Variants in TOP1MT observed in about 807,000 individuals in gnomAD.
TOP1MT encodes the protein DNA topoisomerase I mitochondrial.
TOP1MT carries 80 observed loss-of-function variants against 73.9 expected under a neutral mutation model. That is an observed-to-expected ratio of 1.08 (90% confidence interval 0.90 to 1.30). TOP1MT has a LOEUF of 1.30. TOP1MT is among the 50% of genes most tolerant of loss of function. The pLI is 0.00. For synonymous variants in TOP1MT, 338 were observed against 326.4 expected, an observed-to-expected ratio of 1.04 and a Z score of -0.38; for missense variants, 815 against 808.0, an observed-to-expected ratio of 1.01 and a Z score of -0.10.
At chr8:143,323,208 ACGC>A (rs1563760969) in intron 7 of TOP1MT, among the ~76,000 whole-genome samples, 7 of 102,168 alleles carry the variant, frequency 6.9e-5, no homozygotes, top group South Asian at 3.7e-4. Flanking sequence ...ACACACAGGC[ACGC>A]CACACAGGCA....
chr8:143,321,978 CGCACGCCACACACAT>C (rs201895189), intron 7 of TOP1MT, among the ~76,000 whole-genome samples: 2,779 of 73,380 alleles, frequency 0.038, 11 homozygotes, highest in Non-Finnish European at 0.048. Context: ...GCTCACCACA[CGCACGCCACACACAT>C]GCACGCCACA....
intron 3 of TOP1MT, among the ~76,000 whole-genome samples, chr8:143,326,642 C>T (rs1026339193): frequency 1.3e-5 from 2 of 152,160 alleles, no homozygotes; most frequent in Non-Finnish European, 2.9e-5. Flanking sequence ...AACCTTTGCA[C>T]CCAATAATTC....
chr8:143,324,478 C>A lies in TOP1MT; in HGVS notation c.816+7G>T, dbSNP rs550062105. On this transcript the variant is annotated splice_region_variant and intron_variant, in intron 6 of 13. Transcript: ENST00000329245. The stretch of plus-strand genomic sequence containing the variant: ...GGAGGAAACACCCTGCCAAGCCCTG[C>A]GCTCACCTTCAGCTTCGAGCAAGGG... The A allele has an allele frequency of 6.2e-7, 1 of 1,613,740 alleles. No homozygotes were observed. Among genetic ancestry groups the A allele is most frequent in the African/African-American group, 1.3e-5 (1 of 74,918 alleles).
intron 4 of TOP1MT, 26 bp downstream of exon 4, chr8:143,326,186 CCACTTCAGGT>C: frequency 1.2e-6 from 2 of 1,610,368 alleles, no homozygotes; most frequent in Non-Finnish European, 1.7e-6. Flanking sequence ...TTCCCAGGGG[CCACTTCAGGT>C]CACACAACGC....
rs1817077755 is a variant in TOP1MT, at chr8:143,341,388, C to A, written c.29+1832G>T. Among the ~76,000 whole-genome samples the A allele has an allele frequency of 6.6e-6, 1 of 152,190 alleles. No individual in the cohort carries two copies. The highest frequency in any genetic ancestry group is 1.5e-5 in the Non-Finnish European group (1 of 68,024). ...GGTGTCAGGACCCCGGGCACATCCA[C>A]CAAGGGCCATCTTCATCTTGTCTGC... On this transcript the variant is annotated intron_variant, in intron 2 of 5. Transcript: ENST00000518007. The surrounding 1 kb of genome is among the most constrained non-coding windows in gnomAD (Gnocchi z 4.1).
At position 143,318,057 on chromosome 8, in the gene TOP1MT, C is replaced by T; in HGVS notation, c.1176G>A (p.Glu392=). The change falls in exon 9 of 14, where the codon GAG becomes GAA. Residue 392 remains glutamate (E), a synonymous_variant. Transcript: ENST00000329245. ...AGAGGTCGTCCCGGGGGTCCTTGTT[C>T]TCCATAAAGAGCTGTAAGTTCTTGT... ...PVYKNLQLFM[E]NKDPRDDLFD... is the part of the protein sequence containing the mutation. 6.2e-7 allele frequency: 1 copy of T among 1,614,122 alleles called. No homozygotes were observed. The highest frequency in any genetic ancestry group is 1.3e-5 in the African/African-American group (1 of 75,036).
At chr8:143,320,290 G>A (rs577572912) in intron 8 of TOP1MT, among the ~76,000 whole-genome samples, 6 of 151,900 alleles carry the variant, frequency 3.9e-5, no homozygotes, top group Admixed American at 1.3e-4. Context: ...CACGATGCCC[G>A]GCTAATTTTT....
chr8:143,356,575 C>T (rs543290208), upstream of TOP1MT, among the ~76,000 whole-genome samples: 9 of 151,372 alleles, frequency 5.9e-5, no homozygotes, highest in Non-Finnish European at 8.8e-5. Flanking sequence ...ATCACAAGGT[C>T]AGGAGTTTGA....
intron 7 of TOP1MT, among the ~76,000 whole-genome samples, 189 bp from the exon 8 acceptor site, chr8:143,321,575 CACA>C: frequency 1.5e-5 from 2 of 133,934 alleles, no homozygotes; most frequent in African/African-American, 2.8e-5. Context: ...ACGCACGCCA[CACA>C]GGCACGCCAC....
At chr8:143,353,949 G>C (rs568282367) in intron 1 of TOP1MT, among the ~76,000 whole-genome samples, 1 of 100,342 alleles carries the variant, frequency 1.0e-5, no homozygotes, top group Admixed American at 1.7e-4. Flanking sequence ...GGGCGACAAA[G>C]AGAGACTCCA....
At position 143,322,922 on chromosome 8, in the gene TOP1MT, C is replaced by CAG. The variant is rs1491140241; in HGVS notation, c.960+1076_960+1077insCT. Among the ~76,000 whole-genome samples, 5 of 97,184 alleles carry CAG rather than the reference C, an allele frequency of 5.1e-5. 1 individual carries two copies. Among genetic ancestry groups the CAG allele is most frequent in the South Asian group, 7.0e-4 (2 of 2,876 alleles). 63.8% of individuals were successfully genotyped at this position (97,184 alleles called of 152,430 possible). A position where few individuals can be genotyped will look rare whatever the true frequency, so the allele number is the denominator to read the frequency against. On this transcript the variant is annotated intron_variant, in intron 7 of 13. Coordinates refer to ENST00000329245, the MANE Select transcript of TOP1MT (RefSeq NM_052963.3). ...GCACGCCACACACGCACGCCACACACGCACGCCACACACAGGCACGCCACA... is the reference window on the plus strand; with the variant it reads ...GCACGCCACACACGCACGCCACACACAGGCACGCCACACACAGGCACGCCACA...
chr8:143,329,556 G>A (rs147446182), intron 2 of TOP1MT, 85 bp from the exon 3 acceptor site: 10 of 1,492,224 alleles, frequency 6.7e-6, no homozygotes, highest in African/African-American at 2.8e-5. Context: ...TTTAAACTAC[G>A]CTTTCGTGCG....
rs1400168175 is a variant in TOP1MT at position 143,317,742 on chromosome 8, C to T, written c.1311G>A (p.Gln437=). The change falls in exon 10 of 14, where the codon CAG becomes CAA. Residue 437 remains glutamine (Q), a synonymous_variant. Coordinates refer to ENST00000329245, the MANE Select transcript of TOP1MT (RefSeq NM_052963.3). ...GCTCACCGCGCGTCAGGGCCCGCAG[C>T]TGCTCCTGCAGAGTGATGGAGGCGT... is the stretch of plus-strand genomic sequence containing the variant. The part of the protein sequence containing the change: ...TYNASITLQE[Q]LRALTRAEDS... 1 of 1,613,808 alleles carries T rather than the reference C, an allele frequency of 6.2e-7. No homozygotes were observed.
chr8:143,334,561 T>A (rs543450079), intron 1 of TOP1MT, among the ~76,000 whole-genome samples, 179 bp downstream of exon 1: 13 of 152,316 alleles, frequency 8.5e-5, no homozygotes, highest in Non-Finnish European at 1.8e-4. Flanking sequence ...TGGGGGGGCC[T>A]GTACACCCCG....
rs1334445919 is a variant in TOP1MT, at chr8:143,322,730, C to A, written c.960+1269G>T. ...CACACGCACGCCACACACAGGCACG[C>A]CACACACGCCACACACGCACGCACG... On this transcript the variant is annotated intron_variant, in intron 7 of 13. Transcript: ENST00000329245. Among the ~76,000 whole-genome samples the A allele has an allele frequency of 1.2e-4, 2 of 16,468 alleles. 1 individual carries two copies. The highest frequency in any genetic ancestry group is 1.0e-3 in the African/African-American group (2 of 1,970). The allele number at this position is 16,468 out of a possible 152,430, so 10.8% of individuals were successfully genotyped here.
intron 13 of TOP1MT, 163 bp downstream of exon 13, chr8:143,309,905 G>A (rs1815958681): frequency 6.3e-7 from 1 of 1,579,818 alleles, no homozygotes; most frequent in Non-Finnish European, 8.5e-7. Context: ...AGGGAGAGCT[G>A]ATGACACAGG....
chr8:143,334,884 G>T (rs751492614), upstream of TOP1MT: 1 of 1,445,058 alleles, frequency 6.9e-7, no homozygotes, highest in Non-Finnish European at 9.0e-7. Context: ...GGGAAAGAGC[G>T]ACAAGCTGGG....
chr8:143,333,122 G>A (rs905408986), intron 1 of TOP1MT, among the ~76,000 whole-genome samples: 2 of 151,934 alleles, frequency 1.3e-5, no homozygotes, highest in African/African-American at 4.8e-5. Flanking sequence ...TGTCGGGTGT[G>A]AGAAAATGGG....
upstream of TOP1MT, among the ~76,000 whole-genome samples, chr8:143,347,729 CAGCG>C (rs1198962300): frequency 7.2e-6 from 1 of 137,956 alleles, no homozygotes; most frequent in Non-Finnish European, 1.6e-5. Context: ...GCCAGCCAGC[CAGCG>C]GGGAAGAGTT....
Sources: gnomAD v4.1 joint callset for allele counts (sites outside exome capture counted in the v4.1 genomes callset) on GRCh38, gnomAD v4.1.1 for gene constraint, Gnocchi (gnomAD v3.1) non-coding constraint, MANE v1.5 for transcripts, NCBI Gene and HGNC (gene_info 2026-07-23, HGNC 2026-07-21) for gene names.